The following VRK1 variants were observed in gnomAD, a reference collection of about 807,000 sequenced individuals.
The protein encoded by VRK1 is VRK serine/threonine kinase 1.
In VRK1, 33 loss-of-function variants were observed where a neutral mutation model predicts 57.1. That is an observed-to-expected ratio of 0.58 (90% CI 0.44 to 0.77). The LOEUF is 0.77. Ranked by LOEUF, VRK1 falls within the 30% of genes least tolerant of loss-of-function variation. The pLI, the probability that VRK1 is intolerant of heterozygous loss-of-function variation, is 0.00. For missense variants in VRK1, 413 were observed against 477.3 expected (o/e 0.87, Z 1.25); for synonymous variants, 137 against 147.8 (o/e 0.93, Z 0.53).
intron 11 of VRK1, among the ~76,000 whole-genome samples, chr14:96,873,604 T>C (rs964423815): frequency 1.3e-5 from 2 of 152,234 alleles, no homozygotes; most frequent in Non-Finnish European, 2.9e-5. Flanking sequence ...ATAGTCACTT[T>C]GTGAAGACAT....
intron 3 of VRK1, among the ~76,000 whole-genome samples, chr14:96,840,078 A>G (rs1015357454): frequency 2.0e-5 from 3 of 152,018 alleles, no homozygotes; most frequent in Admixed American, 6.6e-5. Context: ...CTGTTTCTCA[A>G]TTTAAAATTT....
chr14:96,873,237 C>G (rs1888896308), intron 11 of VRK1, among the ~76,000 whole-genome samples: 1 of 151,982 alleles, frequency 6.6e-6, no homozygotes, highest in South Asian at 2.1e-4. Flanking sequence ...TTTCTCTTTT[C>G]TATTAAAACA....
intron 5 of VRK1, among the ~76,000 whole-genome samples, chr14:96,847,833 T>C (rs28441425): frequency 0.14 from 21,563 of 152,158 alleles, 1,804 homozygotes; most frequent in Non-Finnish European, 0.19. Context: ...ACAAAAATGT[T>C]TGAAACAATT....
At chr14:96,873,423 G>C (rs1888905906) in intron 11 of VRK1, among the ~76,000 whole-genome samples, 1 of 152,064 alleles carries the variant, frequency 6.6e-6, no homozygotes, top group Non-Finnish European at 1.5e-5. Context: ...ATATATGCTG[G>C]TGCCCTTTGA....
At chr14:96,870,285 A>G (rs1034192893) in intron 11 of VRK1, among the ~76,000 whole-genome samples, 1 of 152,224 alleles carries the variant, frequency 6.6e-6, no homozygotes, top group Admixed American at 6.5e-5. Flanking sequence ...ATGCATTTAT[A>G]TAGAAAGTTC....
intron 1 of VRK1, among the ~76,000 whole-genome samples, chr14:96,805,140 G>A (rs771606742): frequency 6.6e-6 from 1 of 152,186 alleles, no homozygotes; most frequent in Non-Finnish European, 1.5e-5. Flanking sequence ...AGACTCAGGG[G>A]TTATTTAATC....
intron 1 of VRK1, among the ~76,000 whole-genome samples, chr14:96,803,944 A>T (rs1350458805): frequency 2.0e-5 from 3 of 152,170 alleles, no homozygotes; most frequent in African/African-American, 7.2e-5. Context: ...CAAATATATG[A>T]TTTGTAAATA....
intron 11 of VRK1, among the ~76,000 whole-genome samples, chr14:96,865,937 A>G (rs934583998): frequency 1.3e-5 from 2 of 151,854 alleles, no homozygotes; most frequent in Non-Finnish European, 2.9e-5. Context: ...CATTTCCTCT[A>G]TTTTTTAAAA....
At position 96,853,128 on chromosome 14, in the gene VRK1, G is replaced by T. The variant is rs936420175; in HGVS notation, c.538G>T (p.Ala180Ser). The T allele has an allele frequency of 6.2e-7, 1 of 1,613,616 alleles. No individual in the cohort carries two copies. Among genetic ancestry groups the T allele is most frequent in the African/African-American group, 1.3e-5 (1 of 74,916 alleles). The change falls in exon 7 of 13, where the codon GCC (alanine) becomes TCC (serine). Residue 180 changes from alanine (A) to serine (S), a missense_variant. Coordinates refer to ENST00000216639, the MANE Select transcript of VRK1 (RefSeq NM_003384.3). Reference protein sequence around the residue: ...EHEYVHGDIKASNLLLNYKNP... With the variant: ...EHEYVHGDIKSSNLLLNYKNP... ...TGAGTATGTGCATGGAGATATCAAG[G>T]CCTCAAATCTTCTTCTGAACTACAA...
chr14:96,810,896 G>T (rs775640050), intron 1 of VRK1, among the ~76,000 whole-genome samples: 5 of 151,654 alleles, frequency 3.3e-5, no homozygotes, highest in Non-Finnish European at 5.9e-5. Context: ...TAGTTTTATT[G>T]ATCACGTTGG....
In VRK1 at chr14:96,837,617, A is replaced by G. The variant is rs4905550; in HGVS notation, c.161-145A>G. On this transcript the variant is annotated intron_variant, in intron 2 of 12. Transcript: ENST00000216639. ...AACATGAATAAAAGTCTTAAAATTTATGAAATGTACTGTAATGATATCCTG... is the reference window on the plus strand; with the variant it reads ...AACATGAATAAAAGTCTTAAAATTTGTGAAATGTACTGTAATGATATCCTG... 0.35 allele frequency: 138,546 copies of G among 391,056 alleles called. 25,864 individuals carry two copies. Among genetic ancestry groups the G allele is most frequent in the South Asian group, 0.43 (3,503 of 8,242 alleles). The allele number at this position is 391,056 out of a possible 1,614,324, so 24.2% of individuals were successfully genotyped here.
In VRK1 at chr14:96,856,223, C is replaced by T. The variant is rs1888147290; in HGVS notation, c.803C>T (p.Pro268Leu). 3.1e-6 allele frequency: 5 copies of T among 1,613,432 alleles called. No individual in the cohort carries two copies. The highest frequency in any genetic ancestry group is 1.7e-5 in the Admixed American group (1 of 60,012). ...HLPWEDNLKD[P>L]KYVRDSKIRY... ...CCTTGGGAGGATAATTTGAAAGATC[C>T]TAAATATGTTAGAGATTCCAAAATT... Residue 268 changes from proline (P) to leucine (L), a missense_variant, in exon 9 of 13, where the codon CCT becomes CTT. Transcript: ENST00000216639.
chr14:96,845,062 C>T (rs187635187), intron 3 of VRK1, among the ~76,000 whole-genome samples: 1 of 152,120 alleles, frequency 6.6e-6, no homozygotes, highest in Non-Finnish European at 1.5e-5. Context: ...ACTCACTTCC[C>T]CCAATGCTCT....
rs1208981096 is a variant in VRK1, at chr14:96,871,248, C to T, written c.1069-4782C>T. ...TCATTTTATTTTGCTAACCTTGTTC[C>T]TTCAGACCTGTTAATTAGCAAAATT... is the stretch of plus-strand genomic sequence containing the variant. On this transcript the variant is annotated intron_variant, in intron 11 of 12. Coordinates refer to ENST00000216639, the MANE Select transcript of VRK1 (RefSeq NM_003384.3). Among the ~76,000 whole-genome samples the T allele has an allele frequency of 6.6e-5, 10 of 152,146 alleles. No individual in the cohort carries two copies. The East Asian group carries it at 1.5e-3, about 23-fold the overall frequency.
chr14:96,815,274 A>G (rs1886349115), intron 1 of VRK1, among the ~76,000 whole-genome samples: 2 of 152,214 alleles, frequency 1.3e-5, no homozygotes, highest in South Asian at 4.1e-4. Context: ...ATATATTGTT[A>G]GTGAAAGAAA....
intron 3 of VRK1, among the ~76,000 whole-genome samples, chr14:96,840,865 T>A (rs1236408915): frequency 8.6e-5 from 13 of 151,904 alleles, no homozygotes; most frequent in Non-Finnish European, 1.3e-4. Context: ...GAACTTTTTT[T>A]TTTTTTTTGA....
chr14:96,834,259 G>T (rs940793890), intron 2 of VRK1, among the ~76,000 whole-genome samples: 14 of 152,226 alleles, frequency 9.2e-5, no homozygotes, highest in African/African-American at 3.4e-4. Flanking sequence ...ATTTGCTTCT[G>T]ATTTTTCTAA....
At chr14:96,812,509 G>A (rs1886244967) in intron 1 of VRK1, among the ~76,000 whole-genome samples, 1 of 152,126 alleles carries the variant, frequency 6.6e-6, no homozygotes, top group Admixed American at 6.5e-5. Flanking sequence ...ATGATACTGA[G>A]CATCTTTTTG....
intron 1 of VRK1, among the ~76,000 whole-genome samples, chr14:96,811,675 T>C (rs1886210916): frequency 6.6e-6 from 1 of 152,222 alleles, no homozygotes; most frequent in Admixed American, 6.5e-5. Context: ...TTTTAACCCT[T>C]CTTTGAAAAT....
Sources: allele counts gnomAD v4.1 joint callset (sites outside exome capture counted in the v4.1 genomes callset), GRCh38; gene constraint gnomAD v4.1.1; transcripts MANE v1.5; gene names NCBI Gene and HGNC (gene_info 2026-07-23, HGNC 2026-07-21).